FILIP1: variants seen among roughly 807,000 people sequenced by gnomAD.
The protein encoded by FILIP1 is filamin-A-interacting protein 1.
FILIP1 carries 61 observed loss-of-function variants against 102.1 expected under a neutral mutation model. The observed-to-expected ratio is 0.60, with a 90% CI of 0.49 to 0.74. The LOEUF is 0.74. FILIP1 is among the 30% of genes least tolerant of loss of function. FILIP1 has a pLI of 0.00. For synonymous variants in FILIP1, 491 were observed against 526.9 expected (o/e 0.93, Z 0.93); for missense variants, 1,314 against 1,441.2 (o/e 0.91, Z 1.43).
rs1773058764 is a variant in FILIP1, at chr6:75,308,487, C to G, written c.*204G>C. The G allele has an allele frequency of 1.4e-6, 2 of 1,400,348 alleles. No homozygotes were observed. The highest frequency in any genetic ancestry group is 1.4e-5 in the African/African-American group (1 of 68,994). 86.7% of individuals were successfully genotyped at this position (1,400,348 alleles called of 1,614,324 possible). A position where few individuals can be genotyped will look rare whatever the true frequency, so the allele number is the denominator to read the frequency against. On this transcript the variant is annotated 3_prime_UTR_variant, in exon 6 of 6. Coordinates refer to ENST00000237172, the MANE Select transcript of FILIP1 (RefSeq NM_015687.5). ...AAACCACGCCCTGGCTTCTAGGCAG[C>G]AAGCAATAGTTTTGCTAATTTTGTT...
rs1410440989 is a variant in FILIP1, at chr6:75,311,495, GT to G, written c.3435+901del. Among the ~76,000 whole-genome samples the G allele has an allele frequency of 4.7e-5, 7 of 147,676 alleles. No homozygotes were observed. The East Asian group carries it at 1.4e-3, about 30-fold the overall frequency. ...TTCCAGCTAGTTTGTTTGTTTGTTTGTTTGTTTGCTTGTTTGTTTGAGATGG... is the reference window on the plus strand; with the variant it reads ...TTCCAGCTAGTTTGTTTGTTTGTTTGTTGTTTGCTTGTTTGTTTGAGATGG... On this transcript the variant is annotated intron_variant, in intron 5 of 5. Transcript: ENST00000237172.
At chr6:75,370,279 C>T (rs1473410742) in intron 2 of FILIP1, among the ~76,000 whole-genome samples, 1 of 152,138 alleles carries the variant, frequency 6.6e-6, no homozygotes, top group Non-Finnish European at 1.5e-5. Context: ...ATTTACTTGT[C>T]TATTTCCTTC....
rs35536817 is a variant in FILIP1, at chr6:75,318,228, CTT to C, written c.630-3028_630-3027del. Among the ~76,000 whole-genome samples, 785 of 102,818 alleles carry C rather than the reference CTT, an allele frequency of 7.6e-3. 7 individuals carry two copies. The highest frequency in any genetic ancestry group is 0.027 in the African/African-American group (723 of 26,968). The allele number at this position is 102,818 out of a possible 152,430, so 67.5% of individuals were successfully genotyped here. On this transcript the variant is annotated intron_variant, in intron 4 of 5. Coordinates refer to ENST00000237172, the MANE Select transcript of FILIP1 (RefSeq NM_015687.5). ...CCTATAATATCAATTATTATACAGT[CTT>C]TTTTTTTTTTTTTTTTTTTTTTAGA... is the stretch of plus-strand genomic sequence containing the variant.
Position 75,312,761 on chromosome 6 carries a change from G to A in FILIP1, c.3071C>T (p.Ser1024Phe), listed in dbSNP as rs1773252167. The change falls in exon 5 of 6, where the codon TCT becomes TTT. Residue 1024 changes from serine (S) to phenylalanine (F), a missense_variant. Around this residue, in one of 3 missense-constraint regions of FILIP1, gnomAD observed 816 missense variants for 913.1 expected, o/e 0.89. Transcript: ENST00000237172. ...CATGGGCATTTCCTGGGATTCGGGAGAAACTGCAATCTCAGCTGGTGCTGC... is the reference window on the plus strand; with the variant it reads ...CATGGGCATTTCCTGGGATTCGGGAAAAACTGCAATCTCAGCTGGTGCTGC... ...TSAAPAEIAV[S>F]PESQEMPMGR... 1 of 1,614,078 alleles carries A rather than the reference G, an allele frequency of 6.2e-7. No individual in the cohort carries two copies. Among genetic ancestry groups the A allele is most frequent in the Admixed American group, 1.7e-5 (1 of 60,004 alleles).
intron 2 of FILIP1, among the ~76,000 whole-genome samples, chr6:75,413,117 T>C (rs1160169458): frequency 6.6e-6 from 1 of 152,170 alleles, no homozygotes; most frequent in Non-Finnish European, 1.5e-5. Context: ...TCTTAAATAC[T>C]TTCCAGAGTT....
intron 6 of FILIP1, among the ~76,000 whole-genome samples, chr6:75,300,988 T>C (rs1772822028): frequency 6.6e-6 from 1 of 152,236 alleles, no homozygotes; most frequent in Non-Finnish European, 1.5e-5. Context: ...TTAGTTCCCA[T>C]ATATAACATT....
intron 1 of FILIP1, chr6:75,458,282 G>C (rs2808183): frequency 5.3e-5 from 8 of 151,960 alleles, no homozygotes; most frequent in African/African-American, 1.9e-4. Context: ...CAATACCTCC[G>C]ACAGCACATC....
At chr6:75,302,826 G>GATATGAT (rs1491571359) in intron 6 of FILIP1, among the ~76,000 whole-genome samples, 1 of 93,574 alleles carries the variant, frequency 1.1e-5, no homozygotes, top group Non-Finnish European at 2.6e-5. Flanking sequence ...GATATGACAT[G>GATATGAT]ATATGATATG....
intron 1 of FILIP1, among the ~76,000 whole-genome samples, chr6:75,440,785 A>T (rs1582509790): frequency 6.6e-6 from 1 of 152,038 alleles, no homozygotes; most frequent in Non-Finnish European, 1.5e-5. Context: ...CACCATCTCT[A>T]CTAAAAATAC....
At chr6:75,438,987 A>T (rs1778114342) in intron 1 of FILIP1, among the ~76,000 whole-genome samples, 1 of 152,214 alleles carries the variant, frequency 6.6e-6, no homozygotes. Flanking sequence ...GGTTACAAAC[A>T]GGCTGCTGAC....
chr6:75,450,870 G>A (rs535276126), intron 1 of FILIP1, among the ~76,000 whole-genome samples: 12 of 152,114 alleles, frequency 7.9e-5, no homozygotes, highest in African/African-American at 2.6e-4. Flanking sequence ...CAGGAGAATC[G>A]CTTGAACCTG....
chr6:75,479,387 T>G (rs917133742), intron 1 of FILIP1, among the ~76,000 whole-genome samples: 1 of 152,228 alleles, frequency 6.6e-6, no homozygotes, highest in African/African-American at 2.4e-5. Flanking sequence ...TAGTGTCAAC[T>G]TCCTCATACC....
At chr6:75,438,513 C>T (rs899572185) in intron 1 of FILIP1, among the ~76,000 whole-genome samples, 3 of 152,174 alleles carry the variant, frequency 2.0e-5, no homozygotes, top group African/African-American at 7.2e-5. Context: ...TTTAATCCCA[C>T]AAGATCATAA....
In FILIP1 at chr6:75,313,404, C is replaced by T. The variant is rs769511155; in HGVS notation, c.2428G>A (p.Val810Ile). 1.6e-5 allele frequency: 26 copies of T among 1,614,116 alleles called. No homozygotes were observed. In the East Asian group the frequency reaches 5.3e-4, roughly 33 times the overall value. Residue 810 changes from valine (V) to isoleucine (I), a missense_variant, in exon 5 of 6, where the codon GTC becomes ATC. This residue lies in a region of FILIP1 where 816 missense variants were observed against 913.1 expected (regional missense o/e 0.89). Coordinates refer to ENST00000237172, the MANE Select transcript of FILIP1 (RefSeq NM_015687.5). The surrounding 1 kb of genome is among the most constrained non-coding windows in gnomAD (Gnocchi z 4.2). Reference protein sequence around the residue: ...VTSTGVQTDAVSGEAAEEETP... With the variant: ...VTSTGVQTDAISGEAAEEETP... The stretch of plus-strand genomic sequence containing the variant: ...TCTTCCTCTGCTGCTTCACCGCTGA[C>T]TGCATCAGTTTGGACTCCAGTTGAC...
chr6:75,487,920 G>C (rs1779839641), intron 1 of FILIP1, among the ~76,000 whole-genome samples: 1 of 151,986 alleles, frequency 6.6e-6, no homozygotes, highest in Non-Finnish European at 1.5e-5. Flanking sequence ...CAATGTTTTG[G>C]TAAAGGAGGT....
exon 7 of FILIP1, chr6:75,292,221 T>G (rs760275864): frequency 6.6e-6 from 1 of 152,236 alleles, no homozygotes; most frequent in Non-Finnish European, 1.5e-5. Context: ...AAAAGAATTC[T>G]AAGAATATCT....
chr6:75,491,140 T>C (rs1779944704), intron 1 of FILIP1, among the ~76,000 whole-genome samples: 1 of 152,140 alleles, frequency 6.6e-6, no homozygotes, highest in Non-Finnish European at 1.5e-5. Flanking sequence ...AGAATATCAT[T>C]GTGAAAGTGG....
chr6:75,337,646 C>G (rs1774288269), intron 4 of FILIP1, among the ~76,000 whole-genome samples: 1 of 151,952 alleles, frequency 6.6e-6, no homozygotes, highest in Non-Finnish European at 1.5e-5. Flanking sequence ...ACTAGAAGCA[C>G]TGCACTTGCC....
At chr6:75,461,081 G>A (rs1779009361) in intron 1 of FILIP1, among the ~76,000 whole-genome samples, 1 of 152,094 alleles carries the variant, frequency 6.6e-6, no homozygotes, top group Admixed American at 6.5e-5. Flanking sequence ...CTGATTTGAA[G>A]GAAATCAAGT....
Sources: allele counts gnomAD v4.1 joint callset (sites outside exome capture counted in the v4.1 genomes callset), GRCh38; gene constraint gnomAD v4.1.1; regional missense constraint gnomAD v4.1.1; non-coding constraint Gnocchi (gnomAD v3.1); transcripts MANE v1.5; gene names NCBI Gene and HGNC (gene_info 2026-07-23, HGNC 2026-07-21).